The following CHST11 variants were observed in gnomAD, a reference collection of about 807,000 sequenced individuals.
CHST11 encodes the protein carbohydrate sulfotransferase 11.
In CHST11, 9 loss-of-function variants were observed where a neutral mutation model predicts 30.4. That is an observed-to-expected ratio of 0.30 (90% CI 0.18 to 0.52). CHST11 has a LOEUF of 0.52. Ranked by LOEUF, CHST11 falls within the 20% of genes least tolerant of loss-of-function variation. The pLI, the probability that CHST11 is intolerant of heterozygous loss-of-function variation, is 0.97. For missense variants in CHST11, 348 were observed against 460.6 expected (o/e 0.76, Z 2.24); for synonymous variants, 152 against 187.8 (o/e 0.81, Z 1.56).
intron 2 of CHST11, among the ~76,000 whole-genome samples, chr12:104,717,326 C>T (rs1185944064): frequency 6.6e-6 from 1 of 152,130 alleles, no homozygotes; most frequent in African/African-American, 2.4e-5. Flanking sequence ...ATTTAGCTGC[C>T]CCAAAACCAT....
rs1241051542 is a variant in CHST11 at position 104,715,194 on chromosome 12, A to G, written c.205-41755A>G. Among the ~76,000 whole-genome samples the G allele has an allele frequency of 2.6e-5, 4 of 152,072 alleles. No homozygotes were observed. In the South Asian group the frequency reaches 8.3e-4, roughly 32 times the overall value. On this transcript the variant is annotated intron_variant, in intron 2 of 2. Coordinates refer to ENST00000303694, the MANE Select transcript of CHST11 (RefSeq NM_018413.6). ...AGCCTGGCCAACATGGTGTAACCCCATCTCTACTAAAAATACAAAAAAGAA... is the reference window on the plus strand; with the variant it reads ...AGCCTGGCCAACATGGTGTAACCCCGTCTCTACTAAAAATACAAAAAAGAA...
intron 1 of CHST11, among the ~76,000 whole-genome samples, chr12:104,466,586 C>T (rs1200105353): frequency 6.6e-6 from 1 of 152,200 alleles, no homozygotes; most frequent in Non-Finnish European, 1.5e-5. Flanking sequence ...GCCAAATTCA[C>T]ATCTAGAACC....
Position 104,513,670 on chromosome 12 carries a change from C to A in CHST11, c.118+56141C>A, listed in dbSNP as rs186932966. On this transcript the variant is annotated intron_variant, in intron 1 of 2. Transcript: ENST00000303694. Reference sequence around the variant, plus strand: ...TCTGTGCCATAAGATGGATGAGGCCCAGTGATCCTCTTGTTGATTTGGTAT... The same window carrying A: ...TCTGTGCCATAAGATGGATGAGGCCAAGTGATCCTCTTGTTGATTTGGTAT... 3.1e-3 allele frequency among the ~76,000 whole-genome samples: 465 copies of A among 152,286 alleles called. 2 individuals are homozygous for A. The highest frequency in any genetic ancestry group is 0.014 in the Middle Eastern group (4 of 294).
chr12:104,519,926 C>T (rs971481739), intron 1 of CHST11, among the ~76,000 whole-genome samples: 1 of 152,066 alleles, frequency 6.6e-6, no homozygotes, highest in Admixed American at 6.6e-5. Flanking sequence ...AGGGTTGGTT[C>T]CTAAAGGACA....
rs2040513288 is a variant in CHST11, at chr12:104,760,296, G to A, written c.*2493G>A. ...AAAATAGCACCACAGTCTCCATCTG[G>A]TTTATAGCAACAGAGGTACTTTATT... On this transcript the variant is annotated 3_prime_UTR_variant, in exon 3 of 3. Coordinates refer to ENST00000303694, the MANE Select transcript of CHST11 (RefSeq NM_018413.6). 6.6e-6 allele frequency: 1 copy of A among 151,972 alleles called. No individual in the cohort carries two copies. 9.4% of individuals were successfully genotyped at this position (151,972 alleles called of 1,614,324 possible). A position where few individuals can be genotyped will look rare whatever the true frequency, so the allele number is the denominator to read the frequency against.
chr12:104,659,370 T>C (rs1257717223), intron 2 of CHST11, among the ~76,000 whole-genome samples: 1 of 152,110 alleles, frequency 6.6e-6, no homozygotes, highest in Admixed American at 6.5e-5. Flanking sequence ...TTGGTGATAA[T>C]ATTACTTCTC....
chr12:104,689,803 C>T (rs976871335), intron 2 of CHST11, among the ~76,000 whole-genome samples: 1 of 152,270 alleles, frequency 6.6e-6, no homozygotes, highest in East Asian at 1.9e-4. Context: ...TTCCCTCTCT[C>T]CTTCCCCCTC....
intron 1 of CHST11, among the ~76,000 whole-genome samples, chr12:104,577,494 T>C (rs2038697057): frequency 6.6e-6 from 1 of 152,064 alleles, no homozygotes; most frequent in African/African-American, 2.4e-5. Flanking sequence ...GGCTACATTA[T>C]CATGGATTAA....
At chr12:104,637,341 T>G (rs886544004) in intron 2 of CHST11, among the ~76,000 whole-genome samples, 1,642 of 23,796 alleles carry the variant, frequency 0.069, no homozygotes, top group African/African-American at 0.074. Context: ...AAAAAGGGGG[T>G]TGGGGGAGGG....
At chr12:104,594,549 C>A (rs1244390274) in intron 1 of CHST11, among the ~76,000 whole-genome samples, 1 of 152,186 alleles carries the variant, frequency 6.6e-6, no homozygotes, top group Non-Finnish European at 1.5e-5. Context: ...CTCCTCTTCT[C>A]CCCCATCCCC....
chr12:104,732,219 C>T (rs535295849), intron 2 of CHST11, among the ~76,000 whole-genome samples: 1 of 152,298 alleles, frequency 6.6e-6, no homozygotes, highest in African/African-American at 2.4e-5. Context: ...CTGGCATGGA[C>T]CTGGCTGTGC....
At chr12:104,520,260 T>C (rs1383187945) in intron 1 of CHST11, among the ~76,000 whole-genome samples, 2 of 152,218 alleles carry the variant, frequency 1.3e-5, no homozygotes, top group Non-Finnish European at 1.5e-5. Context: ...GCACCTGCTC[T>C]GCTCATCTCT....
chr12:104,610,055 G>C (rs1401038134), intron 2 of CHST11, among the ~76,000 whole-genome samples: 1 of 48,468 alleles, frequency 2.1e-5, no homozygotes, highest in Non-Finnish European at 4.0e-5. Context: ...GTGTGTGTGT[G>C]TGTGTGTGTG....
At chr12:104,514,046 A>G in intron 1 of CHST11, 1 of 912,448 alleles carries the variant, frequency 1.1e-6, no homozygotes, top group Non-Finnish European at 1.8e-6. Context: ...CCCCCGGGGC[A>G]CTACTCATTT....
chr12:104,544,444 C>T (rs558862549), intron 1 of CHST11, among the ~76,000 whole-genome samples: 15 of 152,106 alleles, frequency 9.9e-5, no homozygotes, highest in East Asian at 9.7e-4. Context: ...GGGCCGGGCA[C>T]GGTGGCTTAC....
chr12:104,541,408 G>A (rs1012151915), intron 1 of CHST11, among the ~76,000 whole-genome samples: 4 of 151,754 alleles, frequency 2.6e-5, no homozygotes, highest in African/African-American at 7.3e-5. Context: ...GTCTGTGTTC[G>A]GTTTGTATAG....
intron 1 of CHST11, among the ~76,000 whole-genome samples, chr12:104,475,294 AGTG>A (rs1463334279): frequency 2.6e-5 from 4 of 152,122 alleles, no homozygotes; most frequent in Non-Finnish European, 4.4e-5. Flanking sequence ...CAATTTAGCA[AGTG>A]GTGACAGACC....
At chr12:104,531,292 C>A (rs936744000) in intron 1 of CHST11, among the ~76,000 whole-genome samples, 2 of 151,910 alleles carry the variant, frequency 1.3e-5, no homozygotes, top group African/African-American at 2.4e-5. Flanking sequence ...AGTTTGAGAC[C>A]AGCCTGGGCA....
chr12:104,550,439 C>G lies in CHST11; in HGVS notation c.119-51467C>G, dbSNP rs12309132. Among the ~76,000 whole-genome samples the G allele has an allele frequency of 4.2e-3, 633 of 152,176 alleles. 6 individuals carry two copies. The highest frequency in any genetic ancestry group is 0.014 in the African/African-American group (595 of 41,486). ...GTTGGCAAACTTTGTTTTTAAAGAG[C>G]CAAGCAGTAAACTTTGGGTTTTGCA... On this transcript the variant is annotated intron_variant, in intron 1 of 2. Transcript: ENST00000303694.
Sources: allele counts gnomAD v4.1 joint callset (sites outside exome capture counted in the v4.1 genomes callset), GRCh38; gene constraint gnomAD v4.1.1; transcripts MANE v1.5; gene names NCBI Gene and HGNC (gene_info 2026-07-23, HGNC 2026-07-21).